The following PLA2R1 variants were observed in gnomAD, a reference collection of about 807,000 sequenced individuals.
PLA2R1 encodes phospholipase A2 receptor 1.
Under a neutral mutation model 195.9 loss-of-function variants are expected in PLA2R1, and 158 were observed. The ratio of observed to expected loss-of-function variants is 0.81; its 90% CI spans 0.71 to 0.92. The LOEUF (loss-of-function observed/expected upper bound fraction) is 0.92. Ranked by LOEUF, PLA2R1 falls within the 40% of genes least tolerant of loss-of-function variation. The probability of loss-of-function intolerance (pLI) is 0.00; values close to 1 mark genes in which losing one functional copy is unlikely to be tolerated. For synonymous variants in PLA2R1, 586 were observed against 598.2 expected (o/e 0.98, Z 0.30); for missense variants, 1,626 against 1,764.6 (o/e 0.92, Z 1.41).
intron 11 of PLA2R1, among the ~76,000 whole-genome samples, chr2:159,997,768 T>G (rs1188375351): frequency 6.6e-6 from 1 of 152,118 alleles, no homozygotes; most frequent in African/African-American, 2.4e-5. Flanking sequence ...ATCTTTTTAT[T>G]TCTCCAGTTT....
intron 14 of PLA2R1, 53 bp downstream of exon 14, chr2:159,979,777 C>A: frequency 9.4e-7 from 1 of 1,061,778 alleles, no homozygotes; most frequent in Non-Finnish European, 1.5e-6. Flanking sequence ...CCAAGTGGTC[C>A]CAGGCCCACT....
Position 159,977,793 on chromosome 2 carries a change from AT to A in PLA2R1, c.2269-378del, listed in dbSNP as rs1689677721. On this transcript the variant is annotated intron_variant, in intron 14 of 29. Transcript: ENST00000283243. Reference sequence around the variant, plus strand: ...TCTACTAAAAATACAAAAACAAAAAATTAGCTGGTTGTGGTGGTGGGCACCT... The same window carrying A: ...TCTACTAAAAATACAAAAACAAAAAATAGCTGGTTGTGGTGGTGGGCACCT... Among the ~76,000 whole-genome samples the A allele has an allele frequency of 2.6e-5, 4 of 152,166 alleles. No individual in the cohort carries two copies. The South Asian group carries it at 8.3e-4, about 32-fold the overall frequency.
Position 159,939,498 on chromosome 2 carries a change from C to A in PLA2R1, c.*2280G>T, listed in dbSNP as rs1312919748. On this transcript the variant is annotated 3_prime_UTR_variant, in exon 30 of 30. Coordinates refer to ENST00000283243, the MANE Select transcript of PLA2R1 (RefSeq NM_007366.5). ...TCCTGCCTGGCAACAGAGCAAGACT[C>A]CATCTCCAAAAAAAAAAAAAAAAAA... The A allele has an allele frequency of 2.2e-5, 3 of 136,102 alleles. No homozygotes were observed. Among genetic ancestry groups the A allele is most frequent in the Admixed American group, 7.9e-5 (1 of 12,600 alleles). 8.4% of individuals were successfully genotyped at this position (136,102 alleles called of 1,614,324 possible). A position where few individuals can be genotyped will look rare whatever the true frequency, so the allele number is the denominator to read the frequency against.
At chr2:160,053,084 A>C (rs988003224) in intron 1 of PLA2R1, among the ~76,000 whole-genome samples, 2 of 152,132 alleles carry the variant, frequency 1.3e-5, no homozygotes, top group Admixed American at 6.5e-5. Flanking sequence ...GAAGCGTGAG[A>C]TTACAGTGTG....
intron 4 of PLA2R1, among the ~76,000 whole-genome samples, chr2:160,030,686 C>T (rs945519998): frequency 7.9e-4 from 121 of 152,258 alleles, no homozygotes; most frequent in African/African-American, 2.6e-3. Context: ...GGATATTTCT[C>T]GGCATTCATG....
chr2:160,041,958 TAC>T, intron 3 of PLA2R1, 65 bp downstream of exon 3: 1 of 1,256,212 alleles, frequency 8.0e-7, no homozygotes, highest in Non-Finnish European at 1.1e-6. Flanking sequence ...TTTGTTTAGA[TAC>T]AGATAACTTT....
intron 11 of PLA2R1, among the ~76,000 whole-genome samples, chr2:159,996,038 C>T (rs1181885051): frequency 1.3e-5 from 2 of 151,964 alleles, no homozygotes; most frequent in Non-Finnish European, 2.9e-5. Context: ...TATATTGCTG[C>T]TATTATTTTA....
At chr2:160,042,227 T>C in intron 2 of PLA2R1, 29 bp from the exon 3 acceptor site, 1 of 1,594,144 alleles carries the variant, frequency 6.3e-7, no homozygotes, top group Non-Finnish European at 8.6e-7. Context: ...CAAAGTCAGA[T>C]AAGTATGATG....
chr2:160,022,965 A>C, intron 6 of PLA2R1, 106 bp from the exon 7 acceptor site: 1 of 739,660 alleles, frequency 1.4e-6, no homozygotes, highest in South Asian at 2.0e-5. Context: ...AAAATGTGAA[A>C]AACAGAAATA....
At chr2:159,967,976 G>A (rs936488656) in intron 19 of PLA2R1, among the ~76,000 whole-genome samples, 1 of 152,086 alleles carries the variant, frequency 6.6e-6, no homozygotes, top group Non-Finnish European at 1.5e-5. Flanking sequence ...GACTTGTGTA[G>A]CAAAAGAATA....
At chr2:159,971,154 A>C (rs541755119) in intron 17 of PLA2R1, among the ~76,000 whole-genome samples, 35 of 152,320 alleles carry the variant, frequency 2.3e-4, no homozygotes, top group Admixed American at 6.5e-4. Flanking sequence ...ATTTCAAAAT[A>C]TGTACTTTTT....
At chr2:159,984,868 G>A (rs1005981687) in intron 12 of PLA2R1, among the ~76,000 whole-genome samples, 1 of 152,156 alleles carries the variant, frequency 6.6e-6, no homozygotes, top group Non-Finnish European at 1.5e-5. Context: ...ACACCCTGTG[G>A]CCAGCCCTCA....
downstream of PLA2R1, among the ~76,000 whole-genome samples, chr2:159,930,536 C>CGTTT (rs1686565278): frequency 2.0e-5 from 3 of 152,184 alleles, no homozygotes. Context: ...TCCCCCCAAA[C>CGTTT]CCCTTGGAAA....
At chr2:159,948,899 A>G (rs1446716535) in intron 25 of PLA2R1, among the ~76,000 whole-genome samples, 1 of 152,090 alleles carries the variant, frequency 6.6e-6, no homozygotes, top group Non-Finnish European at 1.5e-5. Flanking sequence ...CTTGATTTCT[A>G]CTCTTGGTAC....
At chr2:160,019,675 C>A (rs1368422190) in intron 8 of PLA2R1, among the ~76,000 whole-genome samples, 17 of 152,176 alleles carry the variant, frequency 1.1e-4, no homozygotes, top group Non-Finnish European at 1.5e-5. Flanking sequence ...TCCTACTGCC[C>A]ATCTCTTACG....
rs1255232837 is a variant in PLA2R1, at chr2:159,937,613, T to C, written c.*4165A>G. ...TGGATAACATAAGATGTTAGGTTCT[T>C]GGCAACACATGCTTCACTTTGCTTT... On this transcript the variant is annotated 3_prime_UTR_variant, in exon 30 of 30. Transcript: ENST00000283243. 4 of 152,264 alleles carry C rather than the reference T, an allele frequency of 2.6e-5. No homozygotes were observed. The highest frequency in any genetic ancestry group is 9.6e-5 in the African/African-American group (4 of 41,468). 9.4% of individuals were successfully genotyped at this position (152,264 alleles called of 1,614,324 possible).
intron 1 of PLA2R1, among the ~76,000 whole-genome samples, chr2:160,060,585 C>A (rs149566272): frequency 1.3e-3 from 197 of 152,334 alleles, no homozygotes; most frequent in African/African-American, 4.2e-3. Context: ...CTATGTCAAC[C>A]TTTTCAGATG....
At chr2:160,056,267 G>A (rs1432071252) in intron 1 of PLA2R1, among the ~76,000 whole-genome samples, 1 of 152,204 alleles carries the variant, frequency 6.6e-6, no homozygotes, top group African/African-American at 2.4e-5. Flanking sequence ...CATTGTTTCA[G>A]TTATACATAT....
chr2:159,975,804 G>A (rs565299065), intron 17 of PLA2R1, among the ~76,000 whole-genome samples: 61 of 152,072 alleles, frequency 4.0e-4, no homozygotes, highest in Non-Finnish European at 7.1e-4. Flanking sequence ...CAATCTCGAC[G>A]TGCTCACCAT....
Sources: allele counts gnomAD v4.1 joint callset (sites outside exome capture counted in the v4.1 genomes callset), GRCh38; gene constraint gnomAD v4.1.1; transcripts MANE v1.5; gene names NCBI Gene and HGNC (gene_info 2026-07-23, HGNC 2026-07-21).